The following ADGRB1 variants were observed in gnomAD, a reference collection of about 807,000 sequenced individuals.
ADGRB1 encodes the protein adhesion G protein-coupled receptor B1.
In ADGRB1, 36 loss-of-function variants were observed where a neutral mutation model predicts 175.7. The observed-to-expected ratio is 0.20, with a 90% CI of 0.16 to 0.27. The LOEUF is 0.27. Ranked by LOEUF, ADGRB1 falls within the 10% of genes least tolerant of loss-of-function variation. The probability of loss-of-function intolerance (pLI) is 1.00; values close to 1 mark genes in which losing one functional copy is unlikely to be tolerated. For missense variants in ADGRB1, 1,731 were observed against 2,255.3 expected (o/e 0.77, Z 4.71); for synonymous variants, 1,054 against 979.4 (o/e 1.08, Z -1.42).
chr8:142,478,444 G>A, intron 7 of ADGRB1, 84 bp downstream of exon 7: 1 of 1,405,800 alleles, frequency 7.1e-7, no homozygotes, highest in African/African-American at 1.4e-5. Context: ...AGCGGGTGGG[G>A]GTAACCATGG....
At chr8:142,478,737 T>G (rs1587296624) in intron 7 of ADGRB1, among the ~76,000 whole-genome samples, 1 of 95,822 alleles carries the variant, frequency 1.0e-5, no homozygotes, top group African/African-American at 4.3e-5. Flanking sequence ...GGCCATGGGG[T>G]AGCGGGGTGC....
At chr8:142,452,138 C>A (rs1839388443) in intron 1 of ADGRB1, among the ~76,000 whole-genome samples, 1 of 152,220 alleles carries the variant, frequency 6.6e-6, no homozygotes, top group African/African-American at 2.4e-5. Context: ...CGGCGCCCCA[C>A]GCCCTCCCTT....
At chr8:142,463,173 G>A (rs755012197) in intron 1 of ADGRB1, among the ~76,000 whole-genome samples, 1 of 152,200 alleles carries the variant, frequency 6.6e-6, no homozygotes, top group Non-Finnish European at 1.5e-5. Flanking sequence ...GGCTCCTGGT[G>A]GCTCCATCCC....
chr8:142,478,094 G>A (rs985269373), intron 6 of ADGRB1, 93 bp from the exon 7 acceptor site: 6 of 1,503,302 alleles, frequency 4.0e-6, no homozygotes, highest in East Asian at 2.5e-5. Flanking sequence ...TGGGTGTGGG[G>A]TGGTAGCACC....
intron 23 of ADGRB1, among the ~76,000 whole-genome samples, chr8:142,525,251 C>T (rs1052256688): frequency 1.3e-5 from 2 of 152,016 alleles, no homozygotes; most frequent in African/African-American, 4.8e-5. Context: ...GGGATCCTAC[C>T]TTCTTTATTC....
chr8:142,476,775 T>C (rs1413868807), intron 4 of ADGRB1, 80 bp downstream of exon 4: 2 of 1,322,670 alleles, frequency 1.5e-6, no homozygotes, highest in Admixed American at 4.5e-5. Context: ...TAGTTATGGG[T>C]AGTAACTTGA....
intron 19 of ADGRB1, among the ~76,000 whole-genome samples, chr8:142,519,311 A>G (rs1295184511): frequency 6.6e-6 from 1 of 152,036 alleles, no homozygotes; most frequent in Non-Finnish European, 1.5e-5. Context: ...GCCGGCAGGG[A>G]CTGTTCTGTG....
At chr8:142,530,440 C>T (rs1031661968) in intron 24 of ADGRB1, among the ~76,000 whole-genome samples, 2 of 152,160 alleles carry the variant, frequency 1.3e-5, no homozygotes, top group African/African-American at 2.4e-5. Flanking sequence ...CCCTGCCTCC[C>T]TCAACCCAAG....
At chr8:142,477,058 G>A (rs548461448) in intron 4 of ADGRB1, 56 bp from the exon 5 acceptor site, 38 of 1,457,368 alleles carry the variant, frequency 2.6e-5, no homozygotes, top group South Asian at 1.1e-4. Context: ...GTCTGGCCCC[G>A]GTCTGACTGC....
chr8:142,454,137 G>A (rs1291815561), intron 1 of ADGRB1, among the ~76,000 whole-genome samples: 1 of 152,148 alleles, frequency 6.6e-6, no homozygotes, highest in Non-Finnish European at 1.5e-5. Context: ...CCCATGGGCC[G>A]CCAGGTCATA....
chr8:142,474,357 CAGCT>C lies in ADGRB1; in HGVS notation c.785-1116_785-1113del, dbSNP rs1432650770. Among the ~76,000 whole-genome samples the C allele has an allele frequency of 6.6e-6, 1 of 152,176 alleles. No homozygotes were observed. Among genetic ancestry groups the C allele is most frequent in the Non-Finnish European group, 1.5e-5 (1 of 68,024 alleles). On this transcript the variant is annotated intron_variant, in intron 2 of 30. Coordinates refer to ENST00000517894, the MANE Select transcript of ADGRB1 (RefSeq NM_001702.3). The surrounding 1 kb of genome is among the most constrained non-coding windows in gnomAD (Gnocchi z 5.8). ...TGGTGGGTCCCCTCGTGGTGGCCGC[CAGCT>C]GTCTCCTCGCCACCGTAGCCAGGAG...
At chr8:142,485,954 C>T (rs1051062442) in intron 13 of ADGRB1, among the ~76,000 whole-genome samples, 10 of 152,310 alleles carry the variant, frequency 6.6e-5, no homozygotes, top group East Asian at 5.8e-4. Context: ...CAAGTATGCC[C>T]GCTGAGGTCT....
chr8:142,458,000 G>T (rs1019363965), intron 1 of ADGRB1, among the ~76,000 whole-genome samples: 1 of 145,980 alleles, frequency 6.9e-6, no homozygotes, highest in Admixed American at 6.8e-5. Flanking sequence ...CGCCCACCCC[G>T]CCCCTCCCCC....
intron 30 of ADGRB1, 71 bp from the exon 31 acceptor site, chr8:142,544,149 C>G (rs1271088532): frequency 1.3e-6 from 2 of 1,482,318 alleles, no homozygotes; most frequent in South Asian, 2.5e-5. Flanking sequence ...TCTGCCTCCT[C>G]CCCCCTACTC....
rs768032282 is a variant in ADGRB1 at position 142,489,454 on chromosome 8, G to T, written c.2631+16G>T. On this transcript the variant is annotated intron_variant, in intron 16 of 30. Coordinates refer to ENST00000517894, the MANE Select transcript of ADGRB1 (RefSeq NM_001702.3). ...CATGTATAATGTGAGTGCCGTCCACGTGCACACTCTGATGCCAGCAGAAAC... is the reference window on the plus strand; with the variant it reads ...CATGTATAATGTGAGTGCCGTCCACTTGCACACTCTGATGCCAGCAGAAAC... The T allele has an allele frequency of 1.2e-6, 2 of 1,609,168 alleles. No homozygotes were observed. Among genetic ancestry groups the T allele is most frequent in the Non-Finnish European group, 1.7e-6 (2 of 1,176,644 alleles).
At chr8:142,453,234 C>G (rs1839469403) in intron 1 of ADGRB1, among the ~76,000 whole-genome samples, 1 of 152,100 alleles carries the variant, frequency 6.6e-6, no homozygotes, top group South Asian at 2.1e-4. Flanking sequence ...GCTGGGGGCA[C>G]GTGTGTGCAG....
intron 3 of ADGRB1, 128 bp from the exon 4 acceptor site, chr8:142,476,457 G>C: frequency 1.2e-6 from 1 of 802,350 alleles, no homozygotes; most frequent in Non-Finnish European, 2.0e-6. Context: ...GGGCACTCTG[G>C]TCCCTGGCTC....
At chr8:142,513,487 G>A (rs1843216838) in intron 18 of ADGRB1, among the ~76,000 whole-genome samples, 2 of 152,096 alleles carry the variant, frequency 1.3e-5, no homozygotes, top group Admixed American at 6.5e-5. Context: ...AAGAGTGAAA[G>A]GGAGACTGCT....
intron 26 of ADGRB1, among the ~76,000 whole-genome samples, chr8:142,539,024 TACAC>T (rs769298024): frequency 3.2e-4 from 49 of 152,080 alleles, no homozygotes; most frequent in African/African-American, 9.7e-4. Context: ...CATACAGAAA[TACAC>T]ACGCATGTAC....
Sources: allele counts gnomAD v4.1 joint callset (sites outside exome capture counted in the v4.1 genomes callset), GRCh38; gene constraint gnomAD v4.1.1; non-coding constraint Gnocchi (gnomAD v3.1); transcripts MANE v1.5; gene names NCBI Gene and HGNC (gene_info 2026-07-23, HGNC 2026-07-21).